The following KPRP variants were observed in gnomAD, a reference collection of about 807,000 sequenced individuals.
KPRP encodes the protein keratinocyte proline-rich protein.
For missense variants in KPRP, 820 were observed against 746.4 expected, an observed-to-expected ratio of 1.10 and a Z score of -1.15; for synonymous variants, 282 against 276.9, an observed-to-expected ratio of 1.02 and a Z score of -0.18.
rs781546205 is a variant in KPRP, at chr1:152,761,233, G to A, written c.1645G>A (p.Asp549Asn). 7 of 1,614,216 alleles carry A rather than the reference G, an allele frequency of 4.3e-6. No individual in the cohort carries two copies. In the South Asian group the frequency reaches 7.7e-5, roughly 18 times the overall value. ...GAGTGGTGCTGGCTGTGGGCCTGGT[G>A]ATGTGTTTCCAGAGCGGAGGGGTCA... The change falls in exon 1 of 1, where the codon GAT becomes AAT. Residue 549 changes from aspartate to asparagine, a missense_variant. Transcript: ENST00000606109.
exon 1 of KPRP, chr1:152,760,276 T>C (rs199961041): frequency 1.2e-6 from 2 of 1,614,058 alleles, no homozygotes; most frequent in African/African-American, 1.3e-5. Context: ...ATTTAGTCCC[T>C]GTGTGCCCCA....
upstream of KPRP, among the ~76,000 whole-genome samples, chr1:152,759,098 C>T (rs1412422711): frequency 6.6e-6 from 1 of 152,206 alleles, no homozygotes; most frequent in Non-Finnish European, 1.5e-5. Context: ...GTGCTGAGTG[C>T]TTATTCTCAT....
exon 1 of KPRP, chr1:152,759,797 C>T: frequency 6.2e-7 from 1 of 1,614,182 alleles, no homozygotes; most frequent in Middle Eastern, 1.6e-4. Flanking sequence ...TCTCAGACCA[C>T]ACAGGTGAAG....
At chr1:152,758,243 G>C (rs569094126), upstream of KPRP, among the ~76,000 whole-genome samples, 1 of 152,150 alleles carries the variant, frequency 6.6e-6, no homozygotes, top group African/African-American at 2.4e-5. Context: ...CAGAGTTTAC[G>C]AGATGAGCTA....
exon 1 of KPRP, chr1:152,760,603 C>A: frequency 6.2e-7 from 1 of 1,608,830 alleles, no homozygotes; most frequent in Non-Finnish European, 8.5e-7. Context: ...CAGGCAGGTT[C>A]CCCCACAGAG....
upstream of KPRP, chr1:152,759,527 C>G (rs1274680640): frequency 5.8e-6 from 9 of 1,557,034 alleles, no homozygotes; most frequent in Non-Finnish European, 7.0e-6. Context: ...CTCTCCAACT[C>G]TCACCCTCCT....
rs145693230 is a variant in KPRP, at chr1:152,760,914, A to C, written c.1326A>C (p.Pro442=). ...CAGAACCACTTCCAGCACTACGTCC[A>C]ACACCGCGGCCAGTTCCCCTTCCTC... The change falls in exon 1 of 1, where the codon CCA becomes CCC. Residue 442 remains proline, a synonymous_variant. Coordinates refer to ENST00000606109, the Ensembl canonical transcript of KPRP. 5.8e-5 allele frequency: 93 copies of C among 1,613,892 alleles called. No homozygotes were observed. In the African/African-American group the frequency reaches 8.0e-4, roughly 14 times the overall value.
exon 1 of KPRP, chr1:152,759,934 G>C: frequency 6.2e-7 from 1 of 1,614,206 alleles, no homozygotes; most frequent in Non-Finnish European, 8.5e-7. Flanking sequence ...ATGCCAATCT[G>C]AGGTGTCCTA....
exon 1 of KPRP, chr1:152,759,580 A>T: frequency 6.2e-7 from 1 of 1,611,852 alleles, no homozygotes; most frequent in Non-Finnish European, 8.5e-7. Context: ...GACTGGCTGC[A>T]TCAGGACCAT....
At chr1:152,759,437 G>C (rs1651034358), upstream of KPRP, 7 of 1,327,252 alleles carry the variant, frequency 5.3e-6, no homozygotes, top group Non-Finnish European at 7.0e-6. Flanking sequence ...ACTAAGTCAG[G>C]ACACTTGGAT....
chr1:152,759,535 C>T, upstream of KPRP: 1 of 1,574,548 alleles, frequency 6.4e-7, no homozygotes, highest in Non-Finnish European at 8.6e-7. Context: ...CTCTCACCCT[C>T]CTGACCCTGG....
upstream of KPRP, among the ~76,000 whole-genome samples, chr1:152,758,695 G>A (rs781575261): frequency 6.6e-6 from 1 of 152,266 alleles, no homozygotes; most frequent in Non-Finnish European, 1.5e-5. Context: ...CAGAATGTCC[G>A]TCTTCTGATT....
At chr1:152,758,074 TG>T (rs1362556882), upstream of KPRP, among the ~76,000 whole-genome samples, 1 of 152,212 alleles carries the variant, frequency 6.6e-6, no homozygotes, top group Non-Finnish European at 1.5e-5. Flanking sequence ...GTCTAGGAAC[TG>T]GATCCTGGGA....
exon 1 of KPRP, chr1:152,760,477 C>A (rs1254756817): frequency 6.2e-7 from 1 of 1,613,332 alleles, no homozygotes; most frequent in Non-Finnish European, 8.5e-7. Flanking sequence ...CTACTGCACC[C>A]CACCCCGCCG....
Position 152,760,193 on chromosome 1 carries a change from A to G in KPRP, c.605A>G (p.Asn202Ser). The change falls in exon 1 of 1, where the codon AAC becomes AGC. Residue 202 changes from asparagine to serine, a missense_variant. Physicochemically the swap from Asn to Ser is conservative, Grantham distance 46. Coordinates refer to ENST00000606109, the Ensembl canonical transcript of KPRP. ...CAGTTTCAGTCAAGGGCTACCTGCA[A>G]CAACTACACCCCCCAGTTCCAGTTG... The G allele has an allele frequency of 6.2e-7, 1 of 1,614,068 alleles. No homozygotes were observed. Among genetic ancestry groups the G allele is most frequent in the East Asian group, 2.2e-5 (1 of 44,860 alleles).
exon 1 of KPRP, chr1:152,760,150 T>C (rs1297227675): frequency 1.2e-6 from 2 of 1,614,184 alleles, no homozygotes; most frequent in Non-Finnish European, 1.7e-6. Context: ...TCAAGGCTCC[T>C]ATAGCAGTTG....
exon 1 of KPRP, chr1:152,760,665 G>T (rs935434692): frequency 2.5e-6 from 4 of 1,612,016 alleles, no homozygotes; most frequent in African/African-American, 1.3e-5. Context: ...GCTGTGGCCC[G>T]CAGCCCTCCT....
rs773077507 is a variant in KPRP, at chr1:152,761,118, AG to A, written c.1532del (p.Gly511GlufsTer3). ...GGGGCCCAAATCCAGTTCCATACCCAGGAGACCTAGGCTGTCATGAGTCTAG... is the reference window on the plus strand; with the variant it reads ...GGGGCCCAAATCCAGTTCCATACCCAGAGACCTAGGCTGTCATGAGTCTAG... On this transcript the variant is annotated frameshift_variant, in exon 1 of 1. Coordinates refer to ENST00000606109, the Ensembl canonical transcript of KPRP. LOFTEE classifies it low-confidence loss of function (END_TRUNC). The A allele has an allele frequency of 1.2e-6, 2 of 1,613,966 alleles. No individual in the cohort carries two copies. The highest frequency in any genetic ancestry group is 1.7e-5 in the Admixed American group (1 of 60,000).
chr1:152,761,114 A>G, exon 1 of KPRP: 1 of 1,613,966 alleles, frequency 6.2e-7, no homozygotes, highest in Non-Finnish European at 8.5e-7. Flanking sequence ...CCAGTTCCAT[A>G]CCCAGGAGAC....
Sources: allele counts gnomAD v4.1 joint callset (sites outside exome capture counted in the v4.1 genomes callset), GRCh38; gene constraint gnomAD v4.1.1; transcripts MANE v1.5; gene names NCBI Gene and HGNC (gene_info 2026-07-23, HGNC 2026-07-21).